GALNT16: variants seen among roughly 807,000 people sequenced by gnomAD.
GALNT16 encodes the protein polypeptide N-acetylgalactosaminyltransferase 16.
Under a neutral mutation model 76.1 loss-of-function variants are expected in GALNT16, and 40 were observed. The observed-to-expected ratio is 0.53, with a 90% CI of 0.41 to 0.68. GALNT16 has a LOEUF of 0.68. Ranked by LOEUF, GALNT16 falls within the 30% of genes least tolerant of loss-of-function variation. GALNT16 has a pLI of 0.00. For missense variants in GALNT16, 621 were observed against 731.9 expected (o/e 0.85, Z 1.75); for synonymous variants, 276 against 285.2 (o/e 0.97, Z 0.32).
At chr14:69,377,924 T>C in the GALNT16 span, among the ~76,000 whole-genome samples, 1 of 151,582 alleles carries the variant, frequency 6.6e-6, no homozygotes, top group South Asian at 2.1e-4. Context: ...CTTCAAATGA[T>C]TAGTTAAAAC....
the GALNT16 span, among the ~76,000 whole-genome samples, chr14:69,381,971 G>A: frequency 2.6e-5 from 4 of 152,180 alleles, no homozygotes; most frequent in Admixed American, 6.5e-5. Flanking sequence ...GATTACAGGC[G>A]TGAGCCACCG....
At chr14:69,372,491 CTTTTTTTTTTT>C in the GALNT16 span, among the ~76,000 whole-genome samples, 7 of 103,778 alleles carry the variant, frequency 6.7e-5, no homozygotes, top group African/African-American at 1.5e-4. Context: ...GATCATTAGC[CTTTTTTTTTTT>C]TTTTTTTTTT....
downstream of GALNT16, chr14:69,356,463 C>T (rs2045693686): frequency 6.6e-6 from 1 of 151,976 alleles, no homozygotes; most frequent in African/African-American, 2.4e-5. Flanking sequence ...ATAGCGAGAC[C>T]CTATCTCTAT....
At chr14:69,330,808 T>C (rs184889230) in intron 6 of GALNT16, among the ~76,000 whole-genome samples, 112 of 152,310 alleles carry the variant, frequency 7.4e-4, no homozygotes, top group African/African-American at 2.6e-3. Flanking sequence ...TGACATAATC[T>C]ACCACCCCAA....
chr14:69,269,684 A>G (rs1363276094), intron 1 of GALNT16, among the ~76,000 whole-genome samples: 2 of 137,086 alleles, frequency 1.5e-5, no homozygotes, highest in African/African-American at 2.8e-5. Flanking sequence ...TGTGTGTGTG[A>G]TGTGGGGTTT....
intron 1 of GALNT16, among the ~76,000 whole-genome samples, chr14:69,262,074 A>G (rs569245800): frequency 3.9e-5 from 6 of 152,330 alleles, no homozygotes; most frequent in Non-Finnish European, 5.9e-5. Flanking sequence ...CCTCTCCAGG[A>G]GCCCAGGCTG....
At chr14:69,297,330 A>C (rs756841710) in intron 1 of GALNT16, among the ~76,000 whole-genome samples, 4 of 152,180 alleles carry the variant, frequency 2.6e-5, no homozygotes, top group Admixed American at 2.0e-4. Flanking sequence ...TTTAACTGTT[A>C]CATAATAGTT....
intron 1 of GALNT16, among the ~76,000 whole-genome samples, chr14:69,288,707 C>T (rs2044650612): frequency 6.6e-6 from 1 of 152,188 alleles, no homozygotes; most frequent in Non-Finnish European, 1.5e-5. Flanking sequence ...CGGTTTCAAT[C>T]AACCCAGAAC....
At chr14:69,299,770 T>C (rs1187288270) in intron 1 of GALNT16, among the ~76,000 whole-genome samples, 1 of 152,192 alleles carries the variant, frequency 6.6e-6, no homozygotes, top group Non-Finnish European at 1.5e-5. Flanking sequence ...AGGAAACTCC[T>C]GGGCCAGGTC....
chr14:69,363,539 G>T, the GALNT16 span, among the ~76,000 whole-genome samples: 20 of 152,148 alleles, frequency 1.3e-4, no homozygotes, highest in African/African-American at 4.8e-4. Flanking sequence ...AATAACATTT[G>T]TCAATGAGCT....
chr14:69,266,201 A>G (rs2044340635), intron 1 of GALNT16, among the ~76,000 whole-genome samples: 1 of 152,150 alleles, frequency 6.6e-6, no homozygotes. Context: ...CTTGCTTTGT[A>G]TTCGCTCCAC....
At chr14:69,306,045 G>C (rs1334628515) in intron 1 of GALNT16, among the ~76,000 whole-genome samples, 1 of 152,080 alleles carries the variant, frequency 6.6e-6, no homozygotes, top group African/African-American at 2.4e-5. Context: ...GCGTATTCTT[G>C]GCACCCTTGT....
chr14:69,322,405 G>A (rs1005109186), intron 2 of GALNT16, among the ~76,000 whole-genome samples: 2 of 152,244 alleles, frequency 1.3e-5, no homozygotes, highest in Non-Finnish European at 2.9e-5. Context: ...CCCAATCTGT[G>A]AATTGAGGGC....
chr14:69,348,016 C>CCT lies in GALNT16; in HGVS notation c.1539+17_1539+18dup. 1 of 1,613,796 alleles carries CCT rather than the reference C, an allele frequency of 6.2e-7. No individual in the cohort carries two copies. Among genetic ancestry groups the CCT allele is most frequent in the Non-Finnish European group, 8.5e-7 (1 of 1,179,832 alleles). The stretch of plus-strand genomic sequence containing the variant: ...GAAGGCAAGCAGGTGAGTCTCCTTG[C>CCT]CTCTGGCCCAGAGGCCCAGCAGCCC... On this transcript the variant is annotated intron_variant, in intron 14 of 14. Transcript: ENST00000448469.
At chr14:69,348,815 C>T (rs2045597273) in intron 14 of GALNT16, 1 of 152,312 alleles carries the variant, frequency 6.6e-6, no homozygotes. Flanking sequence ...GTGCTACTCC[C>T]TTCCTGTCTT....
intron 1 of GALNT16, among the ~76,000 whole-genome samples, chr14:69,288,418 A>G (rs1419219163): frequency 6.6e-6 from 1 of 152,212 alleles, no homozygotes; most frequent in Non-Finnish European, 1.5e-5. Context: ...TTGGTGGTGA[A>G]TGAATTTTAG....
chr14:69,295,190 G>A (rs151313081), intron 1 of GALNT16, among the ~76,000 whole-genome samples: 2 of 152,118 alleles, frequency 1.3e-5, no homozygotes, highest in African/African-American at 2.4e-5. Context: ...GAGGCGGGTG[G>A]ATTGCTTGAG....
chr14:69,279,043 G>A (rs557364836), intron 1 of GALNT16, among the ~76,000 whole-genome samples: 26 of 151,604 alleles, frequency 1.7e-4, no homozygotes, highest in South Asian at 1.7e-3. Context: ...GCGATTCTCC[G>A]GCCTCAGCCT....
At position 69,354,451 on chromosome 14, in the gene GALNT16, C is replaced by T. The variant is rs886986236; in HGVS notation, c.*2283C>T. ...TATGAAACACACACCTGGAATAAAA[C>T]CACTTCTTACATGTCCACATGCACC... On this transcript the variant is annotated 3_prime_UTR_variant, in exon 15 of 15. Coordinates refer to ENST00000448469, the MANE Select transcript of GALNT16 (RefSeq NM_001168368.2). The T allele has an allele frequency of 1.3e-5, 2 of 152,800 alleles. No individual in the cohort carries two copies. The highest frequency in any genetic ancestry group is 2.9e-5 in the Non-Finnish European group (2 of 68,112). 9.5% of individuals were successfully genotyped at this position (152,800 alleles called of 1,614,324 possible).
Sources: gnomAD v4.1 joint callset for allele counts (sites outside exome capture counted in the v4.1 genomes callset) on GRCh38, gnomAD v4.1.1 for gene constraint, MANE v1.5 for transcripts, NCBI Gene and HGNC (gene_info 2026-07-23, HGNC 2026-07-21) for gene names.